The following TMCC1 variants were observed in gnomAD, a reference collection of about 807,000 sequenced individuals.
The protein encoded by TMCC1 is transmembrane and coiled-coil domains protein 1.
A neutral mutation model predicts 52.4 loss-of-function variants in TMCC1; 15 were observed. The observed-to-expected ratio is 0.29, with a 90% CI of 0.19 to 0.44. TMCC1 has a LOEUF of 0.44. Among genes scored for constraint, TMCC1 ranks in the 20% least tolerant of loss-of-function variants. The pLI is 1.00. For synonymous variants in TMCC1, 279 were observed against 301.9 expected, an observed-to-expected ratio of 0.92 and a Z score of 0.79; for missense variants, 503 against 806.0, an observed-to-expected ratio of 0.62 and a Z score of 4.55.
At chr3:129,712,240 C>T (rs1017024529) in intron 4 of TMCC1, among the ~76,000 whole-genome samples, 1 of 152,100 alleles carries the variant, frequency 6.6e-6, no homozygotes, top group Non-Finnish European at 1.5e-5. Flanking sequence ...AATCACTCTA[C>T]CCAAAGTTAT....
At chr3:129,784,400 A>G (rs2055807995) in intron 4 of TMCC1, among the ~76,000 whole-genome samples, 1 of 151,274 alleles carries the variant, frequency 6.6e-6, no homozygotes, top group Non-Finnish European at 1.5e-5. Flanking sequence ...CCCCGTCTCT[A>G]CTAAAAATAC....
intron 2 of TMCC1, among the ~76,000 whole-genome samples, chr3:129,878,104 G>A (rs950889219): frequency 5.3e-5 from 8 of 151,670 alleles, no homozygotes; most frequent in East Asian, 1.9e-4. Context: ...GATTACGGGC[G>A]CCTACCACCA....
intron 4 of TMCC1, among the ~76,000 whole-genome samples, chr3:129,817,805 A>C (rs533881722): frequency 4.0e-5 from 6 of 151,726 alleles, no homozygotes; most frequent in African/African-American, 1.2e-4. Context: ...GCACCACCAC[A>C]CCCAGCTAAT....
At chr3:129,882,630 G>C (rs539598642) in intron 1 of TMCC1, among the ~76,000 whole-genome samples, 151 of 152,298 alleles carry the variant, frequency 9.9e-4, no homozygotes, top group African/African-American at 3.4e-3. Flanking sequence ...ATATGTCCAT[G>C]AACAGATGCA....
rs1320323233 is a variant in TMCC1, at chr3:129,673,457, C to T, written c.577-2193G>A. On this transcript the variant is annotated intron_variant, in intron 4 of 6. Transcript: ENST00000393238. The stretch of plus-strand genomic sequence containing the variant: ...TAAAGGAAAGCAAATATAAGAATGT[C>T]ACTAGATCCAAGACTCTAAGCTTCT... Among the ~76,000 whole-genome samples, 5 of 152,148 alleles carry T rather than the reference C, an allele frequency of 3.3e-5. No individual in the cohort carries two copies. In the South Asian group the frequency reaches 6.2e-4, roughly 19 times the overall value.
intron 4 of TMCC1, among the ~76,000 whole-genome samples, chr3:129,760,492 G>GTGTGTT (rs2053465583): frequency 7.2e-6 from 1 of 137,944 alleles, no homozygotes; most frequent in Non-Finnish European, 1.5e-5. Flanking sequence ...GTGTGTGTGT[G>GTGTGTT]TGTTTTTGAG....
Position 129,828,959 on chromosome 3 carries a change from A to G in TMCC1, c.-130-451T>C, listed in dbSNP as rs784690. On this transcript the variant is annotated intron_variant, in intron 3 of 6. Transcript: ENST00000393238. The surrounding 1 kb of genome is among the most constrained non-coding windows in gnomAD (Gnocchi z 4.1). ...AATTATTCACAGGCTGAAACTCAGT[A>G]TAATCAAAGAACAACAGTGAGAAAT... Among the ~76,000 whole-genome samples the G allele has an allele frequency of 0.051, 7,717 of 152,276 alleles. 705 individuals carry two copies. The highest frequency in any genetic ancestry group is 0.4 in the East Asian group (2,077 of 5,170).
intron 5 of TMCC1, among the ~76,000 whole-genome samples, chr3:129,667,907 C>T (rs556384297): frequency 6.6e-5 from 10 of 152,178 alleles, no homozygotes; most frequent in Admixed American, 2.6e-4. Flanking sequence ...GAGGAGTTGA[C>T]GGGGTATGGT....
intron 4 of TMCC1, among the ~76,000 whole-genome samples, chr3:129,755,688 G>C (rs1217841901): frequency 6.6e-6 from 1 of 152,162 alleles, no homozygotes; most frequent in Non-Finnish European, 1.5e-5. Context: ...AAAACCCCTA[G>C]ATAGCATTAC....
chr3:129,739,491 C>T (rs2051269400), intron 4 of TMCC1, among the ~76,000 whole-genome samples: 1 of 152,126 alleles, frequency 6.6e-6, no homozygotes, highest in Admixed American at 6.5e-5. Flanking sequence ...CCATCTACAA[C>T]AATAACCAAG....
At chr3:129,716,501 A>ATT (rs563370963) in intron 4 of TMCC1, among the ~76,000 whole-genome samples, 8 of 124,848 alleles carry the variant, frequency 6.4e-5, no homozygotes, top group African/African-American at 1.5e-4. Flanking sequence ...CACCCAGCTA[A>ATT]TTTTTTTTTT....
intron 2 of TMCC1, among the ~76,000 whole-genome samples, chr3:129,879,351 G>C (rs995283183): frequency 1.1e-4 from 16 of 152,082 alleles, no homozygotes; most frequent in African/African-American, 3.1e-4. Context: ...CTGATGCAGG[G>C]GACTGTTTGT....
chr3:129,679,600 G>A (rs1191597062), intron 4 of TMCC1, among the ~76,000 whole-genome samples: 1 of 152,106 alleles, frequency 6.6e-6, no homozygotes, highest in African/African-American at 2.4e-5. Context: ...CATCACGCCT[G>A]GCCTGCCTTA....
At chr3:129,784,315 G>A (rs917573443) in intron 4 of TMCC1, among the ~76,000 whole-genome samples, 19 of 151,910 alleles carry the variant, frequency 1.3e-4, no homozygotes, top group Admixed American at 3.3e-4. Context: ...ATGGTGGCTC[G>A]CGCCTGTAAT....
intron 2 of TMCC1, among the ~76,000 whole-genome samples, chr3:129,860,242 A>T (rs2060327039): frequency 6.7e-6 from 1 of 149,020 alleles, no homozygotes; most frequent in Middle Eastern, 3.2e-3. Context: ...AGTGAGTGGA[A>T]TTTTTTTTTT....
Position 129,651,525 on chromosome 3 carries a change from C to T in TMCC1, c.1918G>A (p.Ala640Thr), listed in dbSNP as rs749645737. Reference protein sequence around the residue: ...FIAFLWKHWDALFSYVERFFS... With the variant: ...FIAFLWKHWDTLFSYVERFFS... ...AACCGTTCCACATAGCTGAAGAGGG[C>T]GTCCCAGTGCTTCCAGAGAAAGGCA... Residue 640 changes from alanine to threonine, a missense_variant, in exon 7 of 7, where the codon GCC becomes ACC. Ala to Thr is a moderately conservative substitution (Grantham distance 58). Coordinates refer to ENST00000393238, the MANE Select transcript of TMCC1 (RefSeq NM_001017395.5). The surrounding 1 kb of genome is among the most constrained non-coding windows in gnomAD (Gnocchi z 5.1). 59 of 1,614,010 alleles carry T rather than the reference C, an allele frequency of 3.7e-5. No homozygotes were observed. Among genetic ancestry groups the T allele is most frequent in the Middle Eastern group, 1.6e-4 (1 of 6,084 alleles).
At chr3:129,859,289 A>G (rs1560564569) in intron 2 of TMCC1, among the ~76,000 whole-genome samples, 1 of 152,186 alleles carries the variant, frequency 6.6e-6, no homozygotes, top group Non-Finnish European at 1.5e-5. Context: ...CACGTAAGTC[A>G]CTATGAAGCA....
intron 4 of TMCC1, among the ~76,000 whole-genome samples, chr3:129,688,907 C>T (rs549081021): frequency 3.3e-5 from 5 of 152,254 alleles, no homozygotes; most frequent in South Asian, 4.1e-4. Context: ...TTGAAAGAAT[C>T]GCTTAAAGAA....
At chr3:129,754,987 A>T (rs373246273) in intron 4 of TMCC1, among the ~76,000 whole-genome samples, 1 of 152,112 alleles carries the variant, frequency 6.6e-6, no homozygotes, top group Admixed American at 6.6e-5. Context: ...CTGAGGCAGG[A>T]GAATCACTTG....
Sources: allele counts gnomAD v4.1 joint callset (sites outside exome capture counted in the v4.1 genomes callset), GRCh38; gene constraint gnomAD v4.1.1; non-coding constraint Gnocchi (gnomAD v3.1); transcripts MANE v1.5; gene names NCBI Gene and HGNC (gene_info 2026-07-23, HGNC 2026-07-21).